PACRG: variants seen among roughly 807,000 people sequenced by gnomAD.
The protein encoded by PACRG is parkin coregulated.
PACRG carries 29 observed loss-of-function variants against 29.7 expected under a neutral mutation model. That is an observed-to-expected ratio of 0.98 (90% CI 0.73 to 1.33). PACRG has a LOEUF of 1.33. Among genes scored for constraint, PACRG ranks in the 40% most tolerant of loss-of-function variants. PACRG has a pLI of 0.00. For missense variants in PACRG, 279 were observed against 316.2 expected (o/e 0.88, Z 0.89); for synonymous variants, 116 against 118.7 (o/e 0.98, Z 0.15).
intron 3 of PACRG, among the ~76,000 whole-genome samples, chr6:163,088,153 A>G (rs1448200430): frequency 6.6e-6 from 1 of 152,196 alleles, no homozygotes; most frequent in African/African-American, 2.4e-5. Context: ...GTTCAAGAAC[A>G]GTGTCAGGAC....
At chr6:162,947,611 C>CATATATATATATATATATAATCAT (rs1799280726) in intron 2 of PACRG, among the ~76,000 whole-genome samples, 4 of 27,988 alleles carry the variant, frequency 1.4e-4, no homozygotes, top group African/African-American at 4.3e-4. Flanking sequence ...TATATATAAT[C>CATATATATATATATATATAATCAT]ATATATATAT....
chr6:163,294,537 T>G (rs1784723778), intron 4 of PACRG, among the ~76,000 whole-genome samples: 1 of 152,200 alleles, frequency 6.6e-6, no homozygotes, highest in African/African-American at 2.4e-5. Flanking sequence ...GGACAAAATT[T>G]GAAAGGAAAG....
chr6:162,903,624 G>A (rs1232715438), intron 2 of PACRG, among the ~76,000 whole-genome samples: 1 of 152,160 alleles, frequency 6.6e-6, no homozygotes, highest in Non-Finnish European at 1.5e-5. Flanking sequence ...GCCCCCATGA[G>A]TCAGTTATCT....
intron 4 of PACRG, among the ~76,000 whole-genome samples, chr6:163,260,481 C>T (rs1473467818): frequency 6.6e-6 from 1 of 152,214 alleles, no homozygotes; most frequent in Non-Finnish European, 1.5e-5. Flanking sequence ...TATTTCTACA[C>T]CTATTGTTAT....
chr6:163,182,061 T>A (rs1162067105), intron 4 of PACRG, among the ~76,000 whole-genome samples: 3 of 152,216 alleles, frequency 2.0e-5, no homozygotes, highest in Non-Finnish European at 4.4e-5. Context: ...TCAACTCAAG[T>A]AGGTTACCTA....
At position 163,065,336 on chromosome 6, in the gene PACRG, G is replaced by C. The variant is rs141804390; in HGVS notation, c.463+3015G>C. 3.3e-5 allele frequency among the ~76,000 whole-genome samples: 5 copies of C among 152,210 alleles called. No homozygotes were observed. The East Asian group carries it at 9.7e-4, about 29-fold the overall frequency. The stretch of plus-strand genomic sequence containing the variant: ...AGCAGCCCTCTTACTTGTCTGGATC[G>C]GGGATTACAGATTCACATTTACTCC... On this transcript the variant is annotated intron_variant, in intron 3 of 4. Transcript: ENST00000366888.
chr6:162,826,230 A>ATG (rs1223139743), intron 2 of PACRG, among the ~76,000 whole-genome samples: 1 of 152,094 alleles, frequency 6.6e-6, no homozygotes, highest in Non-Finnish European at 1.5e-5. Flanking sequence ...ATGATTGTGT[A>ATG]TGTGTGTGTG....
intron 4 of PACRG, among the ~76,000 whole-genome samples, chr6:163,264,326 G>C (rs1783446505): frequency 2.0e-5 from 3 of 152,164 alleles, no homozygotes; most frequent in Admixed American, 1.3e-4. Flanking sequence ...TGCTTATCCA[G>C]AGGAGACCCC....
intron 1 of PACRG, among the ~76,000 whole-genome samples, chr6:162,805,261 G>A (rs572076226): frequency 6.6e-6 from 1 of 152,044 alleles, no homozygotes; most frequent in Non-Finnish European, 1.5e-5. Context: ...GAGTCACGTG[G>A]TTTTTTTGTT....
chr6:163,036,822 A>T (rs957726446), intron 2 of PACRG, among the ~76,000 whole-genome samples: 7 of 150,730 alleles, frequency 4.6e-5, no homozygotes, highest in African/African-American at 1.7e-4. Flanking sequence ...TCTTTTATTT[A>T]TCCATCCATC....
intron 2 of PACRG, among the ~76,000 whole-genome samples, chr6:163,011,522 G>A (rs1805613868): frequency 6.6e-6 from 1 of 152,222 alleles, no homozygotes; most frequent in Non-Finnish European, 1.5e-5. Context: ...GTGAGTCAGT[G>A]AGTGGTAAGT....
chr6:163,191,422 C>T (rs1250385742), intron 4 of PACRG, among the ~76,000 whole-genome samples: 1 of 152,180 alleles, frequency 6.6e-6, no homozygotes, highest in African/African-American at 2.4e-5. Context: ...CCCCCCAACG[C>T]CACGAGGCCT....
At chr6:163,226,946 C>T (rs1781829350) in intron 4 of PACRG, among the ~76,000 whole-genome samples, 1 of 152,166 alleles carries the variant, frequency 6.6e-6, no homozygotes, top group African/African-American at 2.4e-5. Context: ...AGTAGGATTT[C>T]ACACTCATGT....
At chr6:162,905,155 G>A (rs1795842155) in intron 2 of PACRG, among the ~76,000 whole-genome samples, 1 of 152,150 alleles carries the variant, frequency 6.6e-6, no homozygotes, top group Non-Finnish European at 1.5e-5. Context: ...CCTGACGCAG[G>A]AGGACTGGAG....
chr6:162,961,316 T>C (rs1359651353), intron 2 of PACRG, among the ~76,000 whole-genome samples: 4 of 152,222 alleles, frequency 2.6e-5, no homozygotes, highest in Non-Finnish European at 5.9e-5. Context: ...AAATCCTGAT[T>C]GTCTCACTTG....
chr6:163,212,980 T>G (rs377660570), intron 4 of PACRG, among the ~76,000 whole-genome samples: 21 of 152,198 alleles, frequency 1.4e-4, no homozygotes, highest in South Asian at 4.2e-4. Context: ...GGGTTTCACC[T>G]TGTTAGCCAG....
At chr6:162,906,034 C>T (rs1795908916) in intron 2 of PACRG, among the ~76,000 whole-genome samples, 1 of 151,782 alleles carries the variant, frequency 6.6e-6, no homozygotes, top group African/African-American at 2.4e-5. Context: ...GATTTTGATA[C>T]AGAAAAAAAG....
chr6:163,094,473 C>T (rs1814391266), intron 4 of PACRG, among the ~76,000 whole-genome samples: 1 of 152,178 alleles, frequency 6.6e-6, no homozygotes, highest in Admixed American at 6.5e-5. Flanking sequence ...CCTCCATGCA[C>T]ACTTAACTCA....
Position 162,728,372 on chromosome 6 carries a change from C to G in PACRG, c.137C>G (p.Ala46Gly), listed in dbSNP as rs753549417. ...GTTTCTGAGGGTTTCACAGTCAAAG[C>G]CATGATGAAAAACTCAGTCGTAAGT... The part of the protein sequence containing the change: ...SLVSEGFTVK[A>G]MMKNSVVRGP... The change falls in exon 1 of 5, where the codon GCC becomes GGC. Residue 46 changes from alanine to glycine, a missense_variant. By Grantham distance (60) the Ala-to-Gly change is moderately conservative (BLOSUM62 0). Transcript: ENST00000366888. 6.2e-7 allele frequency: 1 copy of G among 1,612,920 alleles called. No homozygotes were observed. The highest frequency in any genetic ancestry group is 1.1e-5 in the South Asian group (1 of 91,078).
Sources: gnomAD v4.1 joint callset for allele counts (sites outside exome capture counted in the v4.1 genomes callset) on GRCh38, gnomAD v4.1.1 for gene constraint, MANE v1.5 for transcripts, NCBI Gene and HGNC (gene_info 2026-07-23, HGNC 2026-07-21) for gene names.